TECPR1: variants seen among roughly 807,000 people sequenced by gnomAD.
TECPR1 encodes the protein tectonin beta-propeller repeat containing 1, also known as tectonin beta-propeller repeat-containing protein 1.
TECPR1 carries 122 observed loss-of-function variants against 162.4 expected under a neutral mutation model. The observed-to-expected ratio is 0.75, with a 90% CI of 0.65 to 0.87. The LOEUF (loss-of-function observed/expected upper bound fraction) is 0.87, where lower values mean the gene tolerates loss of function less well. Ranked by LOEUF, TECPR1 falls within the 40% of genes least tolerant of loss-of-function variation. The pLI, the probability that TECPR1 is intolerant of heterozygous loss-of-function variation, is 0.00. For missense variants in TECPR1, 1,432 were observed against 1,618.2 expected (o/e 0.88, Z 1.97); for synonymous variants, 642 against 670.6 (o/e 0.96, Z 0.66).
chr7:98,243,599 G>A lies in TECPR1; in HGVS notation c.532-7C>T. The A allele has an allele frequency of 6.2e-7, 1 of 1,610,460 alleles. No individual in the cohort carries two copies. Among genetic ancestry groups the A allele is most frequent in the Non-Finnish European group, 8.5e-7 (1 of 1,178,350 alleles). On this transcript the variant is annotated splice_polypyrimidine_tract_variant and splice_region_variant and intron_variant, in intron 5 of 25. Coordinates refer to ENST00000447648, the MANE Select transcript of TECPR1 (RefSeq NM_015395.3). ...GGTCATCCTTCGAGGGGATCTGAAG[G>A]AAGGAAGTGAGAAATGGTAGCAGTC...
intron 4 of TECPR1, 37 bp from the exon 5 acceptor site, chr7:98,244,730 G>A (rs1433521199): frequency 6.3e-7 from 1 of 1,593,878 alleles, no homozygotes; most frequent in Non-Finnish European, 8.6e-7. Context: ...GGCTCTGCGG[G>A]GAAGGCATTT....
chr7:98,241,357 C>T lies in TECPR1; in HGVS notation c.658-113G>A. ...CCATGTCCCCTGACCGTCCAGATCTCACTCCCTGCCCCCTACCCCGGCCAA... is the reference window on the plus strand; with the variant it reads ...CCATGTCCCCTGACCGTCCAGATCTTACTCCCTGCCCCCTACCCCGGCCAA... On this transcript the variant is annotated intron_variant, in intron 6 of 25. Coordinates refer to ENST00000447648, the MANE Select transcript of TECPR1 (RefSeq NM_015395.3). The surrounding 1 kb of genome is among the most constrained non-coding windows in gnomAD (Gnocchi z 5.0). 1 of 1,335,134 alleles carries T rather than the reference C, an allele frequency of 7.5e-7. No individual in the cohort carries two copies. Among genetic ancestry groups the T allele is most frequent in the Non-Finnish European group, 1.0e-6 (1 of 963,906 alleles). The allele number at this position is 1,335,134 out of a possible 1,614,324, so 82.7% of individuals were successfully genotyped here.
At chr7:98,239,421 G>A (rs1452876705) in intron 8 of TECPR1, among the ~76,000 whole-genome samples, 1 of 152,160 alleles carries the variant, frequency 6.6e-6, no homozygotes, top group African/African-American at 2.4e-5. Context: ...CAGGTGTGGT[G>A]GTACACGCTT....
rs139511001 is a variant in TECPR1, at chr7:98,232,785, GAAAA to G, written c.1818+38_1818+41del. 12 of 1,331,626 alleles carry G rather than the reference GAAAA, an allele frequency of 9.0e-6. No individual in the cohort carries two copies. The Admixed American group carries it at 1.0e-4, about 12-fold the overall frequency. The allele number at this position is 1,331,626 out of a possible 1,614,324, so 82.5% of individuals were successfully genotyped here. A position where few individuals can be genotyped will look rare whatever the true frequency, so the allele number is the denominator to read the frequency against. ...GCAGGCGCTCAATGAATGATTGCTG[GAAAA>G]AAAAAAAAAATGCATGCGCAGCCAC... On this transcript the variant is annotated intron_variant, in intron 12 of 25. Transcript: ENST00000447648. The surrounding 1 kb of genome is among the most constrained non-coding windows in gnomAD (Gnocchi z 4.6).
chr7:98,237,486 TG>T (rs1341265824), intron 9 of TECPR1, among the ~76,000 whole-genome samples: 1 of 152,078 alleles, frequency 6.6e-6, no homozygotes, highest in Non-Finnish European at 1.5e-5. Context: ...GTTTTGTTTT[TG>T]AGATGGAGTC....
chr7:98,235,849 A>AAACAAAAAAAAAAAAAAAAAAAACAAC (rs1554401446), intron 10 of TECPR1, among the ~76,000 whole-genome samples: 2 of 110,256 alleles, frequency 1.8e-5, no homozygotes, highest in Non-Finnish European at 4.1e-5. Flanking sequence ...AAAAAAAAAA[A>AAACAAAAAAAAAAAAAAAAAAAACAAC]AACACCATCT....
rs1299242765 is a variant in TECPR1 at position 98,216,952 on chromosome 7, A to C, written c.*438T>G. ...ACATGGTAAAGAGGCCCTGAGCCCC[A>C]TGGCCATCTCTCTTGGTGAGGGGTG... On this transcript the variant is annotated 3_prime_UTR_variant, in exon 26 of 26. Transcript: ENST00000447648. 1 of 170,820 alleles carries C rather than the reference A, an allele frequency of 5.9e-6. No homozygotes were observed. Among genetic ancestry groups the C allele is most frequent in the Non-Finnish European group, 1.3e-5 (1 of 79,298 alleles). 10.6% of individuals were successfully genotyped at this position (170,820 alleles called of 1,614,324 possible). A position where few individuals can be genotyped will look rare whatever the true frequency, so the allele number is the denominator to read the frequency against.
At chr7:98,231,179 A>G (rs1283873617) in intron 14 of TECPR1, 45 bp downstream of exon 14, 1 of 1,608,560 alleles carries the variant, frequency 6.2e-7, no homozygotes, top group South Asian at 1.1e-5. Flanking sequence ...CCACCCCACC[A>G]TGGCTATCCC....
At chr7:98,244,549 A>C in intron 5 of TECPR1, 22 bp downstream of exon 5, 3 of 1,593,080 alleles carry the variant, frequency 1.9e-6, no homozygotes, top group Non-Finnish European at 2.6e-6. Context: ...CCTGCCCCCA[A>C]CCCACATTCA....
At chr7:98,242,679 ACACCCACT>A (rs1224979702) in intron 6 of TECPR1, among the ~76,000 whole-genome samples, 12 of 101,536 alleles carry the variant, frequency 1.2e-4, no homozygotes, top group African/African-American at 3.7e-4. Flanking sequence ...ATCTATCCAT[ACACCCACT>A]CACCCACTCA....
chr7:98,222,874 G>C, intron 21 of TECPR1, 116 bp downstream of exon 21: 1 of 1,380,332 alleles, frequency 7.2e-7, no homozygotes, highest in Admixed American at 1.9e-5. Flanking sequence ...GACCCACTCG[G>C]ACCACAGGCA....
rs554470018 is a variant in TECPR1 at position 98,243,720 on chromosome 7, A to G, written c.532-128T>C. 55 of 1,264,352 alleles carry G rather than the reference A, an allele frequency of 4.4e-5. No homozygotes were observed. In the South Asian group the frequency reaches 4.8e-4, roughly 11 times the overall value. The allele number at this position is 1,264,352 out of a possible 1,614,324, so 78.3% of individuals were successfully genotyped here. ...CCAGCCTGCAGCTGCCTTAATTCAC[A>G]GGGAAGGCAGCATCAGGACTGTGGG... On this transcript the variant is annotated intron_variant, in intron 5 of 25. Coordinates refer to ENST00000447648, the MANE Select transcript of TECPR1 (RefSeq NM_015395.3).
At chr7:98,223,972 G>A (rs1320932845) in intron 19 of TECPR1, among the ~76,000 whole-genome samples, 1 of 152,052 alleles carries the variant, frequency 6.6e-6, no homozygotes, top group Non-Finnish European at 1.5e-5. Context: ...GGCCTCCCAG[G>A]GGCAGGGGTC....
intron 2 of TECPR1, among the ~76,000 whole-genome samples, chr7:98,249,444 C>A (rs944870932): frequency 6.6e-6 from 1 of 152,138 alleles, no homozygotes; most frequent in African/African-American, 2.4e-5. Context: ...ATCAGAACAC[C>A]AGCTTTCTGG....
chr7:98,223,530 C>A, intron 20 of TECPR1, 132 bp downstream of exon 20: 1 of 914,164 alleles, frequency 1.1e-6, no homozygotes. Context: ...ACCCTACTCC[C>A]CACTGCTTCT....
Position 98,215,336 on chromosome 7 carries a change from G to A in TECPR1, c.*2054C>T, listed in dbSNP as rs1479922670. On this transcript the variant is annotated 3_prime_UTR_variant, in exon 26 of 26. Coordinates refer to ENST00000447648, the MANE Select transcript of TECPR1 (RefSeq NM_015395.3). ...CCCCCACTGTAATTGTGCTGAAAAT[G>A]TTTCTCAAATGACCCAAATTGGCTC... The A allele has an allele frequency of 2.1e-4, 32 of 152,368 alleles. No homozygotes were observed. Among genetic ancestry groups the A allele is most frequent in the Admixed American group, 2.1e-3 (32 of 15,308 alleles). 9.4% of individuals were successfully genotyped at this position (152,368 alleles called of 1,614,324 possible).
intron 17 of TECPR1, among the ~76,000 whole-genome samples, chr7:98,225,580 C>T (rs944721063): frequency 3.9e-5 from 6 of 151,956 alleles, no homozygotes; most frequent in Non-Finnish European, 8.8e-5. Context: ...AATTTGGACA[C>T]AGACACATGC....
At position 98,241,410 on chromosome 7, in the gene TECPR1, C is replaced by T. The variant is rs1798746415; in HGVS notation, c.658-166G>A. The T allele has an allele frequency of 1.3e-6, 1 of 772,504 alleles. No homozygotes were observed. Among genetic ancestry groups the T allele is most frequent in the South Asian group, 1.8e-5 (1 of 55,418 alleles). The allele number at this position is 772,504 out of a possible 1,614,324, so 47.9% of individuals were successfully genotyped here. Reference sequence around the variant, plus strand: ...AACGCAAACCCTGGATTCCGGTGGTCCTGAGGGATACACTTGTTCCATTCA... The same window carrying T: ...AACGCAAACCCTGGATTCCGGTGGTTCTGAGGGATACACTTGTTCCATTCA... On this transcript the variant is annotated intron_variant, in intron 6 of 25. Transcript: ENST00000447648. This position sits in a 1 kb window ranked among gnomAD's most constrained non-coding sequence, Gnocchi z 5.0.
chr7:98,215,408 G>A lies in TECPR1; in HGVS notation c.*1982C>T, dbSNP rs1447846954. ...TCAAAGTATTCATGAAATTGATGCT[G>A]TGTCATAAAACAAAAATAAAAGATT... On this transcript the variant is annotated 3_prime_UTR_variant, in exon 26 of 26. Transcript: ENST00000447648. 1.3e-5 allele frequency: 2 copies of A among 152,222 alleles called. No individual in the cohort carries two copies. Among genetic ancestry groups the A allele is most frequent in the Admixed American group, 6.5e-5 (1 of 15,284 alleles). The allele number at this position is 152,222 out of a possible 1,614,324, so 9.4% of individuals were successfully genotyped here.
Sources: gnomAD v4.1 joint callset for allele counts (sites outside exome capture counted in the v4.1 genomes callset) on GRCh38, gnomAD v4.1.1 for gene constraint, Gnocchi (gnomAD v3.1) non-coding constraint, MANE v1.5 for transcripts, NCBI Gene and HGNC (gene_info 2026-07-23, HGNC 2026-07-21) for gene names.